DCC: variants seen among roughly 807,000 people sequenced by gnomAD.
DCC encodes the protein netrin receptor DCC.
Under a neutral mutation model 172.5 loss-of-function variants are expected in DCC, and 58 were observed. That is an observed-to-expected ratio of 0.34 (90% confidence interval 0.27 to 0.42). The LOEUF is 0.42. DCC is among the 10% of genes least tolerant of loss of function. The probability of loss-of-function intolerance (pLI) is 1.00; values close to 1 mark genes in which losing one functional copy is unlikely to be tolerated. For synonymous variants in DCC, 709 were observed against 644.5 expected (o/e 1.10, Z -1.52); for missense variants, 1,740 against 1,791.0 (o/e 0.97, Z 0.51).
At chr18:52,864,254 C>T (rs763554037) in intron 2 of DCC, among the ~76,000 whole-genome samples, 1 of 152,078 alleles carries the variant, frequency 6.6e-6, no homozygotes, top group Non-Finnish European at 1.5e-5. Context: ...AACAGGGTAG[C>T]AAATTTACAT....
intron 2 of DCC, among the ~76,000 whole-genome samples, chr18:52,753,029 AC>A (rs1306601142): frequency 6.6e-6 from 1 of 151,714 alleles, no homozygotes. Context: ...TATTTTCTTT[AC>A]CCATTCGTGA....
At chr18:53,415,818 T>A (rs1369208802) in intron 20 of DCC, among the ~76,000 whole-genome samples, 3 of 152,078 alleles carry the variant, frequency 2.0e-5, no homozygotes, top group Admixed American at 2.0e-4. Flanking sequence ...ATGCAGTTTT[T>A]TTTTACTGTT....
At chr18:53,295,378 G>T (rs1448110158) in intron 12 of DCC, among the ~76,000 whole-genome samples, 3 of 151,486 alleles carry the variant, frequency 2.0e-5, no homozygotes, top group Admixed American at 2.0e-4. Flanking sequence ...ATGCTGGGTT[G>T]GTAAAATAAG....
intron 15 of DCC, among the ~76,000 whole-genome samples, chr18:53,350,506 AC>A (rs1346650148): frequency 5.3e-5 from 8 of 152,164 alleles, no homozygotes; most frequent in African/African-American, 1.9e-4. Context: ...AGCTAAGCAT[AC>A]AAAAAAGTAA....
chr18:52,405,087 A>C (rs1429094762), intron 1 of DCC, among the ~76,000 whole-genome samples: 2 of 151,418 alleles, frequency 1.3e-5, no homozygotes, highest in East Asian at 3.9e-4. Flanking sequence ...GTTGGTTCCA[A>C]GTCTTTGCTA....
Position 53,428,355 on chromosome 18 carries a change from G to GTTGTATATAATATAATATTATAATATA in DCC, c.3164-6770_3164-6744dup, listed in dbSNP as rs1414631213. Among the ~76,000 whole-genome samples, 2 of 49,450 alleles carry GTTGTATATAATATAATATTATAATATA rather than the reference G, an allele frequency of 4.0e-5. 1 individual carries two copies. Among genetic ancestry groups the GTTGTATATAATATAATATTATAATATA allele is most frequent in the Non-Finnish European group, 7.9e-5 (2 of 25,458 alleles). 32.4% of individuals were successfully genotyped at this position (49,450 alleles called of 152,430 possible). On this transcript the variant is annotated intron_variant, in intron 21 of 28. Transcript: ENST00000442544. ...ATATATTGTATATAATATAATATAT[G>GTTGTATATAATATAATATTATAATATA]TTGTATATAATATAATATTATAATA...
At chr18:52,951,090 A>G (rs2040639301) in intron 5 of DCC, among the ~76,000 whole-genome samples, 1 of 151,746 alleles carries the variant, frequency 6.6e-6, no homozygotes. Context: ...CTGCATTGCC[A>G]GCAAGCTAGA....
intron 1 of DCC, among the ~76,000 whole-genome samples, chr18:52,429,404 TCTG>T (rs1295998954): frequency 2.1e-4 from 32 of 152,226 alleles, no homozygotes; most frequent in African/African-American, 7.7e-4. Context: ...AACAAAAACA[TCTG>T]CTGCTTTTTA....
intron 5 of DCC, among the ~76,000 whole-genome samples, chr18:52,950,303 C>T (rs1378727315): frequency 6.6e-6 from 1 of 152,198 alleles, no homozygotes; most frequent in Non-Finnish European, 1.5e-5. Context: ...TGTGTCTATA[C>T]AAACCTGTCC....
At chr18:52,374,197 T>C (rs1288064543) in intron 1 of DCC, among the ~76,000 whole-genome samples, 1 of 152,076 alleles carries the variant, frequency 6.6e-6, no homozygotes, top group Non-Finnish European at 1.5e-5. Context: ...GGGCCTATAT[T>C]TTTTAATCTA....
chr18:52,409,661 T>C (rs1324017596), intron 1 of DCC, among the ~76,000 whole-genome samples: 1 of 152,142 alleles, frequency 6.6e-6, no homozygotes, highest in Non-Finnish European at 1.5e-5. Flanking sequence ...TCATGAGCTA[T>C]TTATCAGTTT....
chr18:52,483,543 A>T (rs928969316), intron 1 of DCC, among the ~76,000 whole-genome samples: 1 of 152,060 alleles, frequency 6.6e-6, no homozygotes, highest in Non-Finnish European at 1.5e-5. Flanking sequence ...TGTAAATCAT[A>T]CTTCTTGAAC....
chr18:53,025,415 T>G (rs2041941773), intron 5 of DCC, among the ~76,000 whole-genome samples: 1 of 152,116 alleles, frequency 6.6e-6, no homozygotes, highest in Non-Finnish European at 1.5e-5. Context: ...GTTAACAGGA[T>G]TGTTTGCCTT....
At chr18:53,074,994 T>A (rs948199816) in intron 7 of DCC, among the ~76,000 whole-genome samples, 1 of 152,216 alleles carries the variant, frequency 6.6e-6, no homozygotes, top group African/African-American at 2.4e-5. Context: ...ACACAAATGT[T>A]AGCTATTATG....
intron 27 of DCC, among the ~76,000 whole-genome samples, chr18:53,514,743 A>T (rs1360032638): frequency 6.6e-6 from 1 of 152,178 alleles, no homozygotes; most frequent in Non-Finnish European, 1.5e-5. Context: ...CCCAAGACTA[A>T]ACCAGGAAGA....
chr18:53,332,834 T>A (rs1279347506), intron 14 of DCC, among the ~76,000 whole-genome samples: 1 of 152,072 alleles, frequency 6.6e-6, no homozygotes, highest in African/African-American at 2.4e-5. Flanking sequence ...TTGCTGCATA[T>A]ATATTTTTAA....
At chr18:52,800,284 G>A (rs1019820217) in intron 2 of DCC, among the ~76,000 whole-genome samples, 9 of 151,466 alleles carry the variant, frequency 5.9e-5, no homozygotes, top group African/African-American at 1.5e-4. Context: ...GACATTCAAT[G>A]TTTTAAATGA....
chr18:53,459,447 C>A lies in DCC; in HGVS notation c.3608C>A (p.Thr1203Asn). Residue 1203 changes from threonine (T) to asparagine (N), a missense_variant, in exon 24 of 29, where the codon ACC (threonine) becomes AAC (asparagine). Thr to Asn is a moderately conservative substitution (Grantham distance 65). This residue lies in a region of DCC where 1,732 missense variants were observed against 1,767.4 expected (regional missense o/e 0.98). Coordinates refer to ENST00000442544, the MANE Select transcript of DCC (RefSeq NM_005215.4). ...GAAACCCAACTGGGAAGCAAAAGCA[C>A]CTCTCATTCAGGTAATTATCTTTTC... is the stretch of plus-strand genomic sequence containing the variant. ...QSETQLGSKS[T>N]SHSGQDTEEA... The A allele has an allele frequency of 6.2e-7, 1 of 1,607,050 alleles. No individual in the cohort carries two copies. The highest frequency in any genetic ancestry group is 1.1e-5 in the South Asian group (1 of 90,948).
intron 2 of DCC, among the ~76,000 whole-genome samples, chr18:52,861,885 G>A (rs954892548): frequency 6.6e-6 from 1 of 152,100 alleles, no homozygotes; most frequent in African/African-American, 2.4e-5. Flanking sequence ...GCAAATTTTG[G>A]ACTGTAGCTG....
Sources: allele counts gnomAD v4.1 joint callset (sites outside exome capture counted in the v4.1 genomes callset), GRCh38; gene constraint gnomAD v4.1.1; regional missense constraint gnomAD v4.1.1; transcripts MANE v1.5; gene names NCBI Gene and HGNC (gene_info 2026-07-23, HGNC 2026-07-21).